The following RYR2 variants were observed in gnomAD, a reference collection of about 807,000 sequenced individuals.
RYR2 encodes cardiac muscle ryanodine receptor-calcium release channel.
Under a neutral mutation model 601.1 loss-of-function variants are expected in RYR2, and 227 were observed. The ratio of observed to expected loss-of-function variants is 0.38; its 90% CI spans 0.34 to 0.42. The LOEUF is 0.42. RYR2 is among the 10% of genes least tolerant of loss of function. The probability of loss-of-function intolerance (pLI) is 1.00; values close to 1 mark genes in which losing one functional copy is unlikely to be tolerated. For missense variants in RYR2, 4,646 were observed against 6,156.5 expected (o/e 0.75, Z 8.21); for synonymous variants, 2,223 against 2,175.1 (o/e 1.02, Z -0.61).
chr1:237,726,108 T>C (rs1690171365), intron 74 of RYR2, among the ~76,000 whole-genome samples, 165 bp from the exon 75 acceptor site: 1 of 152,116 alleles, frequency 6.6e-6, no homozygotes, highest in African/African-American at 2.4e-5. Flanking sequence ...AATAAGTGCT[T>C]TTCCGTTAAA....
chr1:237,633,958 A>C (rs1001496616), intron 43 of RYR2, among the ~76,000 whole-genome samples: 1 of 152,148 alleles, frequency 6.6e-6, no homozygotes, highest in East Asian at 1.9e-4. Flanking sequence ...AAGACAAAAC[A>C]TAATAAGTGT....
At chr1:237,322,669 G>A (rs1295423187) in intron 2 of RYR2, among the ~76,000 whole-genome samples, 2 of 152,094 alleles carry the variant, frequency 1.3e-5, no homozygotes, top group South Asian at 2.1e-4. Context: ...TCCTGCAGAC[G>A]GCAAAGCTGA....
At chr1:237,216,678 A>T (rs1419115313) in intron 1 of RYR2, among the ~76,000 whole-genome samples, 4 of 151,436 alleles carry the variant, frequency 2.6e-5, no homozygotes, top group African/African-American at 9.7e-5. Context: ...TGGAGGTTGC[A>T]GTGAGCGAGA....
intron 76 of RYR2, among the ~76,000 whole-genome samples, chr1:237,729,491 G>A (rs776903423): frequency 2.4e-4 from 37 of 152,066 alleles, no homozygotes; most frequent in African/African-American, 8.0e-4. Context: ...TAACTGTTAC[G>A]TCTCATGAGT....
chr1:237,400,516 C>A lies in RYR2; in HGVS notation c.773+12333C>A, dbSNP rs576969163. On this transcript the variant is annotated intron_variant, in intron 10 of 104. Coordinates refer to ENST00000366574, the MANE Select transcript of RYR2 (RefSeq NM_001035.3). The stretch of plus-strand genomic sequence containing the variant: ...ATCTAGCAAGCAAATTGGTCCTGCC[C>A]AATATCTGATATTAAGGTACTGCTT... Among the ~76,000 whole-genome samples the A allele has an allele frequency of 1.2e-4, 18 of 152,084 alleles. No homozygotes were observed. The East Asian group carries it at 3.3e-3, about 28-fold the overall frequency.
At chr1:237,084,956 G>T (rs1052588075) in intron 1 of RYR2, among the ~76,000 whole-genome samples, 2 of 152,162 alleles carry the variant, frequency 1.3e-5, no homozygotes, top group Non-Finnish European at 2.9e-5. Flanking sequence ...TCCCCCAAAT[G>T]CTGAATAATG....
intron 12 of RYR2, among the ~76,000 whole-genome samples, chr1:237,438,603 A>G (rs1383850374): frequency 6.6e-6 from 1 of 152,316 alleles, no homozygotes; most frequent in East Asian, 1.9e-4. Flanking sequence ...CAGAATTTGG[A>G]TAATTTTTTT....
At chr1:237,778,556 C>T (rs1694846724) in intron 87 of RYR2, 110 bp from the exon 88 acceptor site, 14 of 512,704 alleles carry the variant, frequency 2.7e-5, no homozygotes, top group Non-Finnish European at 4.3e-5. Flanking sequence ...AGATAACGTG[C>T]TAGCAGTGAA....
chr1:237,367,151 C>T lies in RYR2; in HGVS notation c.310-2383C>T, dbSNP rs562381779. 1.1e-3 allele frequency among the ~76,000 whole-genome samples: 174 copies of T among 152,148 alleles called. 1 individual carries two copies. Among genetic ancestry groups the T allele is most frequent in the African/African-American group, 4.0e-3 (164 of 41,502 alleles). ...CTCTGTTGCCCAGGCTGGAGTGCAG[C>T]GGTGTGACCTCGGCTCACTGCAACC... is the stretch of plus-strand genomic sequence containing the variant. On this transcript the variant is annotated intron_variant, in intron 5 of 104. Coordinates refer to ENST00000366574, the MANE Select transcript of RYR2 (RefSeq NM_001035.3).
At chr1:237,159,028 CT>C (rs1675705390) in intron 1 of RYR2, among the ~76,000 whole-genome samples, 1 of 152,220 alleles carries the variant, frequency 6.6e-6, no homozygotes, top group Admixed American at 6.5e-5. Flanking sequence ...TGGCTCACGC[CT>C]ATTACATAAT....
chr1:237,140,006 G>A (rs935924879), intron 1 of RYR2, among the ~76,000 whole-genome samples: 1 of 152,196 alleles, frequency 6.6e-6, no homozygotes, highest in African/African-American at 2.4e-5. Flanking sequence ...ACATAGAAAA[G>A]TGGATGACTG....
At chr1:237,746,194 T>C (rs1170352658) in intron 80 of RYR2, among the ~76,000 whole-genome samples, 1 of 152,184 alleles carries the variant, frequency 6.6e-6, no homozygotes, top group Non-Finnish European at 1.5e-5. Flanking sequence ...TTAGACATAG[T>C]CTAATAGTGG....
chr1:237,401,861 A>C (rs1490665832), intron 10 of RYR2, among the ~76,000 whole-genome samples: 1 of 152,172 alleles, frequency 6.6e-6, no homozygotes, highest in Non-Finnish European at 1.5e-5. Context: ...GAACCACATC[A>C]TTAGCATAAA....
intron 38 of RYR2, among the ~76,000 whole-genome samples, chr1:237,620,395 T>C (rs1042573796): frequency 2.2e-4 from 34 of 152,168 alleles, no homozygotes; most frequent in African/African-American, 7.9e-4. Context: ...GTTCAAGTAA[T>C]GCATAGCATA....
At position 237,417,131 on chromosome 1, in the gene RYR2, G is replaced by C. The variant is rs373075790; in HGVS notation, c.848+8G>C. 118 of 1,609,914 alleles carry C rather than the reference G, an allele frequency of 7.3e-5. No homozygotes were observed. Among genetic ancestry groups the C allele is most frequent in the Non-Finnish European group, 9.0e-5 (106 of 1,176,444 alleles). ...AGAGACGCTAAGAGTTGCGTAAGTA[G>C]AACTTCTAAACACAGCCTAATGCAC... On this transcript the variant is annotated splice_region_variant and intron_variant, in intron 11 of 104. Coordinates refer to ENST00000366574, the MANE Select transcript of RYR2 (RefSeq NM_001035.3).
At chr1:237,314,836 C>T (rs1388953346) in intron 2 of RYR2, among the ~76,000 whole-genome samples, 2 of 152,164 alleles carry the variant, frequency 1.3e-5, no homozygotes, top group South Asian at 2.1e-4. Context: ...AGGCACCAGA[C>T]ATTTACCAGA....
At chr1:237,102,742 C>G (rs1220549889) in intron 1 of RYR2, among the ~76,000 whole-genome samples, 1 of 152,058 alleles carries the variant, frequency 6.6e-6, no homozygotes, top group African/African-American at 2.4e-5. Flanking sequence ...TGTAATCCCG[C>G]TACTCGGGAG....
At chr1:237,563,889 A>T (rs1374646743) in intron 27 of RYR2, among the ~76,000 whole-genome samples, 1 of 152,172 alleles carries the variant, frequency 6.6e-6, no homozygotes, top group South Asian at 2.1e-4. Context: ...GGTATTTTTC[A>T]GTAGTTTAGT....
At chr1:237,236,695 A>G (rs963826330) in intron 1 of RYR2, among the ~76,000 whole-genome samples, 47 of 152,300 alleles carry the variant, frequency 3.1e-4, no homozygotes, top group African/African-American at 1.0e-3. Flanking sequence ...AGCAAGAGAA[A>G]AAGAACTTAG....
Sources: allele counts gnomAD v4.1 joint callset (sites outside exome capture counted in the v4.1 genomes callset), GRCh38; gene constraint gnomAD v4.1.1; transcripts MANE v1.5; gene names NCBI Gene and HGNC (gene_info 2026-07-23, HGNC 2026-07-21).